Variants in XXYLT1 observed in about 807,000 individuals in gnomAD.
XXYLT1 encodes the protein xyloside xylosyltransferase 1.
Under a neutral mutation model 28.9 loss-of-function variants are expected in XXYLT1, and 20 were observed. The observed-to-expected ratio is 0.69, with a 90% CI of 0.49 to 1.00. XXYLT1 has a LOEUF of 1.00. Among genes scored for constraint, XXYLT1 ranks in the 50% least tolerant of loss-of-function variants. XXYLT1 has a pLI of 0.00. For missense variants in XXYLT1, 542 were observed against 560.1 expected, an observed-to-expected ratio of 0.97 and a Z score of 0.33; for synonymous variants, 257 against 253.8, an observed-to-expected ratio of 1.01 and a Z score of -0.12.
intron 2 of XXYLT1, among the ~76,000 whole-genome samples, chr3:195,194,487 G>A (rs900970394): frequency 6.6e-6 from 1 of 152,048 alleles, no homozygotes. Flanking sequence ...ATGAGTACAA[G>A]CACTTGAGAA....
intron 3 of XXYLT1, among the ~76,000 whole-genome samples, chr3:195,136,165 C>T (rs1261686569): frequency 2.0e-5 from 3 of 152,190 alleles, no homozygotes; most frequent in African/African-American, 4.8e-5. Flanking sequence ...GAGAGCCCCA[C>T]ACGTCAGAGC....
chr3:195,149,845 TTTCCGCAG>T, intron 3 of XXYLT1, among the ~76,000 whole-genome samples: 1 of 152,306 alleles, frequency 6.6e-6, no homozygotes, highest in East Asian at 1.9e-4. Context: ...ATGATGGTAA[TTTCCGCAG>T]AAGCGGGAAG....
intron 1 of XXYLT1, among the ~76,000 whole-genome samples, chr3:195,251,878 T>TC (rs1464290119): frequency 6.6e-6 from 1 of 152,134 alleles, no homozygotes; most frequent in Non-Finnish European, 1.5e-5. Context: ...AGCAGCCCCT[T>TC]CCAGGCGTGA....
intron 2 of XXYLT1, among the ~76,000 whole-genome samples, chr3:195,222,834 T>TA (rs1382573722): frequency 6.6e-6 from 1 of 152,050 alleles, no homozygotes; most frequent in Non-Finnish European, 1.5e-5. Context: ...TCTTCATCTA[T>TA]AAAAAAAGAC....
intron 3 of XXYLT1, among the ~76,000 whole-genome samples, chr3:195,081,076 C>T (rs1440502934): frequency 6.6e-6 from 1 of 152,212 alleles, no homozygotes; most frequent in Non-Finnish European, 1.5e-5. Flanking sequence ...AGGCCCAGGC[C>T]CCGCCTGCAG....
At position 195,180,271 on chromosome 3, in the gene XXYLT1, C is replaced by T; in HGVS notation, c.653-23690G>A. ...GGGGTGGTGAGTGGCACACTCGGTCCCCCAGTTACAGGAAAGGTCCCTTCC... is the reference window on the plus strand; with the variant it reads ...GGGGTGGTGAGTGGCACACTCGGTCTCCCAGTTACAGGAAAGGTCCCTTCC... On this transcript the variant is annotated intron_variant, in intron 2 of 3. Transcript: ENST00000310380. This position sits in a 1 kb window ranked among gnomAD's most constrained non-coding sequence, Gnocchi z 5.8. 13 of 971,718 alleles carry T rather than the reference C, an allele frequency of 1.3e-5. No homozygotes were observed. Among genetic ancestry groups the T allele is most frequent in the Non-Finnish European group, 1.6e-5 (13 of 817,514 alleles). 60.2% of individuals were successfully genotyped at this position (971,718 alleles called of 1,614,324 possible). A position where few individuals can be genotyped will look rare whatever the true frequency, so the allele number is the denominator to read the frequency against.
chr3:195,226,503 C>T (rs1445777067), intron 2 of XXYLT1, among the ~76,000 whole-genome samples: 1 of 151,948 alleles, frequency 6.6e-6, no homozygotes, highest in Admixed American at 6.6e-5. Flanking sequence ...AAATGGACCC[C>T]GGGAGCTATG....
rs575075544 is a variant in XXYLT1 at position 195,265,010 on chromosome 3, T to C, written c.504+5545A>G. Among the ~76,000 whole-genome samples the C allele has an allele frequency of 4.0e-5, 6 of 151,664 alleles. No individual in the cohort carries two copies. The East Asian group carries it at 1.2e-3, about 29-fold the overall frequency. On this transcript the variant is annotated intron_variant, in intron 1 of 3. Transcript: ENST00000310380. Reference sequence around the variant, plus strand: ...AGTTTGAAGCTACAGTGAGCTGTGATCACACCACTGTGCTCTACTCTAGCC... The same window carrying C: ...AGTTTGAAGCTACAGTGAGCTGTGACCACACCACTGTGCTCTACTCTAGCC...
intron 3 of XXYLT1, among the ~76,000 whole-genome samples, chr3:195,092,420 T>C (rs1269252950): frequency 1.3e-5 from 2 of 149,218 alleles, no homozygotes; most frequent in Non-Finnish European, 3.0e-5. Flanking sequence ...CAAAAACAAG[T>C]AATGGGGAAC....
At chr3:195,214,514 G>A (rs1723472464) in intron 2 of XXYLT1, among the ~76,000 whole-genome samples, 2 of 152,094 alleles carry the variant, frequency 1.3e-5, no homozygotes, top group African/African-American at 4.8e-5. Context: ...ATGGGAACCA[G>A]CATGCACCGT....
chr3:195,221,304 G>A (rs141664809), intron 2 of XXYLT1, among the ~76,000 whole-genome samples: 8 of 152,286 alleles, frequency 5.3e-5, no homozygotes, highest in African/African-American at 1.9e-4. Context: ...CTCAGCATTG[G>A]GTGGCTCTTC....
chr3:195,244,123 A>G (rs1247976740), intron 1 of XXYLT1, among the ~76,000 whole-genome samples: 5 of 152,196 alleles, frequency 3.3e-5, no homozygotes, highest in Non-Finnish European at 7.3e-5. Context: ...TGAACGTTCT[A>G]GGACTCCTGC....
chr3:195,267,633 A>G lies in XXYLT1; in HGVS notation c.504+2922T>C, dbSNP rs187765940. On this transcript the variant is annotated intron_variant, in intron 1 of 3. Transcript: ENST00000310380. ...CACGTCAATGTCAGTGCCCTTAAGG[A>G]GTTTAGAGTCTAGCAAGGAAGACAA... Among the ~76,000 whole-genome samples the G allele has an allele frequency of 1.3e-3, 205 of 152,316 alleles. 1 individual carries two copies. The highest frequency in any genetic ancestry group is 4.8e-3 in the African/African-American group (198 of 41,564).
At chr3:195,153,361 C>G (rs140900904) in intron 3 of XXYLT1, among the ~76,000 whole-genome samples, 2 of 152,194 alleles carry the variant, frequency 1.3e-5, no homozygotes, top group African/African-American at 4.8e-5. Context: ...AGGCAATTCC[C>G]CAGAGCCAGC....
intron 2 of XXYLT1, among the ~76,000 whole-genome samples, chr3:195,171,076 A>G (rs1445387122): frequency 6.6e-6 from 1 of 152,202 alleles, no homozygotes; most frequent in Admixed American, 6.5e-5. Flanking sequence ...TGAACTTGCT[A>G]CTGCCTAAAG....
rs1721508837 is a variant in XXYLT1, at chr3:195,173,439, T to C, written c.653-16858A>G. 1.3e-5 allele frequency among the ~76,000 whole-genome samples: 2 copies of C among 152,344 alleles called. No homozygotes were observed. Among genetic ancestry groups the C allele is most frequent in the South Asian group, 4.1e-4 (2 of 4,828 alleles). On this transcript the variant is annotated intron_variant, in intron 2 of 3. Transcript: ENST00000310380. The surrounding 1 kb of genome is among the most constrained non-coding windows in gnomAD (Gnocchi z 4.3). Reference sequence around the variant, plus strand: ...GGAGGTGCTCGACACTAAGTAACATTCTGGTTCATATAAGACTGGGCGGAA... The same window carrying C: ...GGAGGTGCTCGACACTAAGTAACATCCTGGTTCATATAAGACTGGGCGGAA...
chr3:195,198,391 T>C (rs1722715858), intron 2 of XXYLT1, among the ~76,000 whole-genome samples: 1 of 152,178 alleles, frequency 6.6e-6, no homozygotes, highest in African/African-American at 2.4e-5. Flanking sequence ...GTCCGGGCAC[T>C]TCATCCCGGA....
intron 1 of XXYLT1, among the ~76,000 whole-genome samples, chr3:195,260,417 G>C (rs1266773916): frequency 6.6e-6 from 1 of 152,194 alleles, no homozygotes; most frequent in Non-Finnish European, 1.5e-5. Flanking sequence ...CTGCACCGGA[G>C]CCCCCATCCG....
At position 195,257,628 on chromosome 3, in the gene XXYLT1, G is replaced by C. The variant is rs948061968; in HGVS notation, c.504+12927C>G. 7.9e-5 allele frequency among the ~76,000 whole-genome samples: 12 copies of C among 152,120 alleles called. No individual in the cohort carries two copies. The highest frequency in any genetic ancestry group is 3.3e-4 in the Admixed American group (5 of 15,280). Reference sequence around the variant, plus strand: ...AGCCAGGTACATCCTGGCTGGGCCGGCACGGGCCCCGTAGCTCTCCCTGTG... The same window carrying C: ...AGCCAGGTACATCCTGGCTGGGCCGCCACGGGCCCCGTAGCTCTCCCTGTG... On this transcript the variant is annotated intron_variant, in intron 1 of 3. Transcript: ENST00000310380. This position sits in a 1 kb window ranked among gnomAD's most constrained non-coding sequence, Gnocchi z 4.3.
Sources: allele counts gnomAD v4.1 joint callset (sites outside exome capture counted in the v4.1 genomes callset), GRCh38; gene constraint gnomAD v4.1.1; non-coding constraint Gnocchi (gnomAD v3.1); transcripts MANE v1.5; gene names NCBI Gene and HGNC (gene_info 2026-07-23, HGNC 2026-07-21).